SEC31A: variants seen among roughly 807,000 people sequenced by gnomAD.
SEC31A encodes SEC31 homolog A, COPII component.
A neutral mutation model predicts 151.0 loss-of-function variants in SEC31A; 70 were observed. The ratio of observed to expected loss-of-function variants is 0.46; its 90% confidence interval spans 0.38 to 0.57. The LOEUF is 0.57. SEC31A is among the 20% of genes least tolerant of loss of function. The pLI is 0.00. For missense variants in SEC31A, 1,330 were observed against 1,471.2 expected, an observed-to-expected ratio of 0.90 and a Z score of 1.57; for synonymous variants, 475 against 505.9, an observed-to-expected ratio of 0.94 and a Z score of 0.82.
chr4:82,863,181 AG>A (rs112180271), intron 12 of SEC31A, 136 bp downstream of exon 12: 3 of 589,252 alleles, frequency 5.1e-6, no homozygotes, highest in Admixed American at 3.8e-5. Context: ...AAAAAGAAAA[AG>A]GGAAAAAACG....
chr4:82,846,128 T>C (rs1162771794), intron 20 of SEC31A, among the ~76,000 whole-genome samples: 4 of 151,806 alleles, frequency 2.6e-5, no homozygotes, highest in African/African-American at 9.7e-5. Context: ...CTCAGCCTCC[T>C]GAGTAGCTGG....
rs1741047363 is a variant in SEC31A, at chr4:82,887,659, C to T, written c.-5+3429G>A. ...TTGTTGTGAGAAATAAGTGGTATTA[C>T]TCAGAGTGGTTAGAACAGTGCCTGG... On this transcript the variant is annotated intron_variant, in intron 1 of 26. Transcript: ENST00000395310. Among the ~76,000 whole-genome samples, 4 of 152,350 alleles carry T rather than the reference C, an allele frequency of 2.6e-5. No individual in the cohort carries two copies. In the South Asian group the frequency reaches 8.3e-4, roughly 32 times the overall value.
chr4:82,849,609 G>A lies in SEC31A; in HGVS notation c.2329-632C>T, dbSNP rs577143092. 4.4e-4 allele frequency among the ~76,000 whole-genome samples: 18 copies of A among 40,930 alleles called. No homozygotes were observed. The South Asian group carries it at 0.022, about 50-fold the overall frequency. The allele number at this position is 40,930 out of a possible 152,430, so 26.9% of individuals were successfully genotyped here. ...AGCCTGGGCGACAGAGCAAGAATCC[G>A]TCTCAAAAAAAAAAAAAAAAAACTA... is the stretch of plus-strand genomic sequence containing the variant. On this transcript the variant is annotated intron_variant, in intron 19 of 26. Coordinates refer to ENST00000395310, the MANE Select transcript of SEC31A (RefSeq NM_001077207.4).
chr4:82,881,217 G>C (rs1739223255), intron 2 of SEC31A, among the ~76,000 whole-genome samples: 3 of 152,166 alleles, frequency 2.0e-5, no homozygotes, highest in Admixed American at 2.0e-4. Context: ...TGTAATCCCA[G>C]CACTTTGGGA....
At chr4:82,832,447 A>G (rs181397486) in intron 22 of SEC31A, among the ~76,000 whole-genome samples, 149 of 152,356 alleles carry the variant, frequency 9.8e-4, no homozygotes, top group African/African-American at 3.4e-3. Context: ...ACCTAGGACC[A>G]TAAAAATCCT....
intron 8 of SEC31A, among the ~76,000 whole-genome samples, chr4:82,867,551 A>T (rs1419987450): frequency 6.6e-6 from 1 of 152,242 alleles, no homozygotes; most frequent in African/African-American, 2.4e-5. Context: ...GATTTGAATA[A>T]ACGCATTTTA....
chr4:82,868,480 G>A (rs1735887288), intron 8 of SEC31A, among the ~76,000 whole-genome samples: 1 of 150,554 alleles, frequency 6.6e-6, no homozygotes, highest in Admixed American at 6.7e-5. Flanking sequence ...CAGCTTGGGA[G>A]ACACAGCAAG....
At chr4:82,858,573 A>G in intron 14 of SEC31A, among the ~76,000 whole-genome samples, 1 of 148,852 alleles carries the variant, frequency 6.7e-6, no homozygotes, top group African/African-American at 2.5e-5. Flanking sequence ...AAAAAAAAGA[A>G]CACTATTAAA....
At chr4:82,879,573 C>T (rs763671060) in intron 3 of SEC31A, among the ~76,000 whole-genome samples, 3 of 152,040 alleles carry the variant, frequency 2.0e-5, no homozygotes, top group Non-Finnish European at 4.4e-5. Context: ...GAAAGGTATA[C>T]GATGATACAG....
chr4:82,844,182 C>T (rs1729532431), intron 21 of SEC31A: 2 of 501,022 alleles, frequency 4.0e-6, no homozygotes, highest in Non-Finnish European at 7.0e-6. Context: ...CTACTCTGAA[C>T]AGTGTGACAA....
chr4:82,864,348 A>G lies in SEC31A; in HGVS notation c.1434+14T>C. 1 of 1,566,608 alleles carries G rather than the reference A, an allele frequency of 6.4e-7. No homozygotes were observed. Among genetic ancestry groups the G allele is most frequent in the Non-Finnish European group, 8.8e-7 (1 of 1,137,182 alleles). The stretch of plus-strand genomic sequence containing the variant: ...CAGATAATGAAATAATATAGCTTTA[A>G]ACAGCAACTTTACCTTCAAAAAGGA... On this transcript the variant is annotated intron_variant, in intron 11 of 26. Coordinates refer to ENST00000395310, the MANE Select transcript of SEC31A (RefSeq NM_001077207.4).
At chr4:82,868,195 C>A (rs1735820674) in intron 8 of SEC31A, among the ~76,000 whole-genome samples, 1 of 152,128 alleles carries the variant, frequency 6.6e-6, no homozygotes, top group African/African-American at 2.4e-5. Context: ...AGAGAAAGAA[C>A]TATAGAAAAT....
intron 21 of SEC31A, 23 bp downstream of exon 21, chr4:82,844,363 G>A: frequency 1.2e-6 from 2 of 1,609,466 alleles, no homozygotes; most frequent in Non-Finnish European, 1.7e-6. Context: ...GCTCTGAAAG[G>A]ACTTTGGGGT....
At chr4:82,892,736 T>G (rs201428920), upstream of SEC31A, among the ~76,000 whole-genome samples, 55 of 136,762 alleles carry the variant, frequency 4.0e-4, no homozygotes, top group South Asian at 7.2e-3. Context: ...ATCTTTTTTT[T>G]GGGGGGGGGG....
At chr4:82,841,988 C>G (rs78783302) in intron 22 of SEC31A, 152 bp downstream of exon 22, 1 of 606,936 alleles carries the variant, frequency 1.6e-6, no homozygotes, top group African/African-American at 1.9e-5. Context: ...AAAAACCAAA[C>G]AAACAAAAAA....
At chr4:82,872,375 T>G (rs374298578) in intron 6 of SEC31A, among the ~76,000 whole-genome samples, 2 of 152,030 alleles carry the variant, frequency 1.3e-5, no homozygotes, top group African/African-American at 4.8e-5. Context: ...TTTTAGTAGA[T>G]ATGAGGTTTT....
chr4:82,824,646 AT>A lies in SEC31A; in HGVS notation c.3319del (p.Ile1107LeufsTer13), dbSNP rs764353087. 6.8e-6 allele frequency: 11 copies of A among 1,611,508 alleles called. No individual in the cohort carries two copies. The highest frequency in any genetic ancestry group is 3.3e-5 in the South Asian group (3 of 90,740). On this transcript the variant is annotated frameshift_variant, in exon 25 of 27. Transcript: ENST00000395310. LOFTEE classifies it high-confidence loss of function. ...QHVQSLPTKK[I>X]TKKPIPDEHL... ...CTCATCTGGAATAGGTTTCTTGGTA[AT>A]TTTTTTTGTTGGCAAAGACTGCACA...
chr4:82,834,030 A>G (rs1285657072), intron 22 of SEC31A, among the ~76,000 whole-genome samples: 1 of 152,182 alleles, frequency 6.6e-6, no homozygotes, highest in Non-Finnish European at 1.5e-5. Flanking sequence ...GTTTACCTGT[A>G]AAAAGGATCA....
At chr4:82,842,647 CA>C (rs1729167495) in intron 21 of SEC31A, 166 bp from the exon 22 acceptor site, 1 of 593,954 alleles carries the variant, frequency 1.7e-6, no homozygotes, top group Non-Finnish European at 2.9e-6. Flanking sequence ...TCAAATGCCC[CA>C]AATACACTTG....
Sources: gnomAD v4.1 joint callset for allele counts (sites outside exome capture counted in the v4.1 genomes callset) on GRCh38, gnomAD v4.1.1 for gene constraint, MANE v1.5 for transcripts, NCBI Gene and HGNC (gene_info 2026-07-23, HGNC 2026-07-21) for gene names.